ATRNL1: variants seen among roughly 807,000 people sequenced by gnomAD.
ATRNL1 encodes the protein attractin like 1.
A neutral mutation model predicts 182.7 loss-of-function variants in ATRNL1; 95 were observed. That is an observed-to-expected ratio of 0.52 (90% CI 0.44 to 0.62). The LOEUF is 0.62. Ranked by LOEUF, ATRNL1 falls within the 20% of genes least tolerant of loss-of-function variation. The pLI is 0.00. For synonymous variants in ATRNL1, 576 were observed against 568.3 expected (o/e 1.01, Z -0.19); for missense variants, 1,471 against 1,679.5 (o/e 0.88, Z 2.17).
rs782020559 is a variant in ATRNL1, at chr10:115,636,275, C to T, written c.3795+86739C>T. On this transcript the variant is annotated intron_variant, in intron 26 of 28. Transcript: ENST00000355044. Reference sequence around the variant, plus strand: ...GACACTCTTCTCCCTCACTTAGAGACGTAGAGGCAGCTGGCAATAGCAATA... The same window carrying T: ...GACACTCTTCTCCCTCACTTAGAGATGTAGAGGCAGCTGGCAATAGCAATA... Among the ~76,000 whole-genome samples the T allele has an allele frequency of 5.7e-4, 86 of 151,116 alleles. 1 individual carries two copies. Among genetic ancestry groups the T allele is most frequent in the African/African-American group, 1.9e-3 (78 of 41,372 alleles).
chr10:115,587,242 C>CAG (rs1455962472), intron 26 of ATRNL1, among the ~76,000 whole-genome samples: 1 of 152,112 alleles, frequency 6.6e-6, no homozygotes, highest in Non-Finnish European at 1.5e-5. Flanking sequence ...GTGGAGCCTA[C>CAG]AGAGACAGGC....
intron 26 of ATRNL1, among the ~76,000 whole-genome samples, chr10:115,556,837 C>G (rs1853342857): frequency 6.7e-6 from 1 of 150,158 alleles, no homozygotes; most frequent in Non-Finnish European, 1.5e-5. Flanking sequence ...ATCTAGTAGG[C>G]CCTTGAGAAT....
At chr10:115,437,655 T>C (rs585354) in intron 21 of ATRNL1, among the ~76,000 whole-genome samples, 15,632 of 152,028 alleles carry the variant, frequency 0.1, 2,662 homozygotes, top group African/African-American at 0.35. Flanking sequence ...GTATCCTTTA[T>C]AGACTCCTCA....
intron 27 of ATRNL1, among the ~76,000 whole-genome samples, chr10:115,770,026 C>A (rs1394986824): frequency 1.3e-5 from 2 of 152,046 alleles, no homozygotes; most frequent in Non-Finnish European, 2.9e-5. Context: ...CAAACTGACA[C>A]TTAATACTCT....
At chr10:115,825,768 T>C (rs1555091798) in intron 27 of ATRNL1, among the ~76,000 whole-genome samples, 2 of 152,178 alleles carry the variant, frequency 1.3e-5, no homozygotes, top group Admixed American at 1.3e-4. Flanking sequence ...CCAAATGCTG[T>C]CTTCTCCTGG....
rs527721861 is a variant in ATRNL1, at chr10:115,799,008, G to A, written c.3904-48869G>A. On this transcript the variant is annotated intron_variant, in intron 27 of 28. Transcript: ENST00000355044. ...TGCCTGGCTAATTTTTTAATTTTTA[G>A]CAGAGATGGGATTTCACTATGTTGG... 2.6e-5 allele frequency among the ~76,000 whole-genome samples: 4 copies of A among 151,804 alleles called. No individual in the cohort carries two copies. In the East Asian group the frequency reaches 5.8e-4, roughly 22 times the overall value.
chr10:115,295,619 G>A (rs1365261151), intron 15 of ATRNL1, among the ~76,000 whole-genome samples: 3 of 152,114 alleles, frequency 2.0e-5, no homozygotes, highest in Non-Finnish European at 2.9e-5. Flanking sequence ...GCCTAGGGGC[G>A]TATTAGCTGC....
At chr10:115,574,550 A>G (rs1555004522) in intron 26 of ATRNL1, among the ~76,000 whole-genome samples, 2 of 152,132 alleles carry the variant, frequency 1.3e-5, no homozygotes, top group African/African-American at 4.8e-5. Context: ...TTAATCTTTT[A>G]TATTTTCTGC....
intron 25 of ATRNL1, among the ~76,000 whole-genome samples, chr10:115,522,317 A>C (rs1850982084): frequency 6.6e-6 from 1 of 152,184 alleles, no homozygotes; most frequent in Non-Finnish European, 1.5e-5. Flanking sequence ...CTCATGGCAG[A>C]AGAGGAAGCG....
intron 20 of ATRNL1, among the ~76,000 whole-genome samples, chr10:115,410,456 G>T (rs1394200913): frequency 6.6e-6 from 1 of 151,780 alleles, no homozygotes; most frequent in African/African-American, 2.4e-5. Flanking sequence ...CGAGTAGCTG[G>T]GACTACAGGT....
intron 26 of ATRNL1, among the ~76,000 whole-genome samples, chr10:115,571,569 A>G (rs1489889699): frequency 2.6e-5 from 4 of 152,108 alleles, no homozygotes; most frequent in Non-Finnish European, 4.4e-5. Context: ...TTTTCTCTCT[A>G]GTAGGCTGGC....
In ATRNL1 at chr10:115,829,659, G is replaced by T. The variant is rs540904445; in HGVS notation, c.3904-18218G>T. Among the ~76,000 whole-genome samples the T allele has an allele frequency of 6.6e-5, 10 of 152,056 alleles. No individual in the cohort carries two copies. The South Asian group carries it at 1.9e-3, about 28-fold the overall frequency. On this transcript the variant is annotated intron_variant, in intron 27 of 28. Coordinates refer to ENST00000355044, the MANE Select transcript of ATRNL1 (RefSeq NM_207303.4). The stretch of plus-strand genomic sequence containing the variant: ...TATACCCTTTTCCAAGACCTTCTCT[G>T]TCTTATGCCACCAAGGAATTCCACT...
intron 15 of ATRNL1, among the ~76,000 whole-genome samples, chr10:115,295,149 AT>A (rs1241051082): frequency 5.9e-5 from 9 of 151,466 alleles, no homozygotes; most frequent in Admixed American, 3.9e-4. Context: ...GCCTGGAAAG[AT>A]TTTTTCCAGG....
At chr10:115,821,086 A>G (rs1950284556) in intron 27 of ATRNL1, among the ~76,000 whole-genome samples, 1 of 152,124 alleles carries the variant, frequency 6.6e-6, no homozygotes, top group African/African-American at 2.4e-5. Flanking sequence ...CCATGATTAT[A>G]AATTTCCTGA....
chr10:115,852,796 A>G (rs571765627), intron 28 of ATRNL1, among the ~76,000 whole-genome samples: 3 of 152,326 alleles, frequency 2.0e-5, no homozygotes, highest in African/African-American at 7.2e-5. Context: ...TGTAGTAAGG[A>G]CAATTTTATC....
chr10:115,327,870 G>A (rs894585558), intron 18 of ATRNL1, among the ~76,000 whole-genome samples: 189 of 151,952 alleles, frequency 1.2e-3, no homozygotes, highest in African/African-American at 4.3e-3. Flanking sequence ...TCACTCATAG[G>A]TGGGAATTGA....
intron 26 of ATRNL1, among the ~76,000 whole-genome samples, chr10:115,560,881 G>T (rs1333188547): frequency 6.6e-6 from 1 of 152,196 alleles, no homozygotes; most frequent in African/African-American, 2.4e-5. Context: ...TTTTACAAGG[G>T]TACCAAGACA....
At chr10:115,609,131 T>C (rs1394024253) in intron 26 of ATRNL1, among the ~76,000 whole-genome samples, 1 of 152,148 alleles carries the variant, frequency 6.6e-6, no homozygotes, top group Non-Finnish European at 1.5e-5. Context: ...ACGTGAGTTA[T>C]GGTTGGTGAA....
Position 115,884,965 on chromosome 10 carries a change from A to G in ATRNL1, c.4018+36974A>G, listed in dbSNP as rs1984757. On this transcript the variant is annotated intron_variant, in intron 28 of 28. Transcript: ENST00000355044. ...GACTTCCTTAATAAATGCTGATCCA[A>G]AAAGTACACATTCCCAAAGATTACC... 9.8e-3 allele frequency among the ~76,000 whole-genome samples: 1,495 copies of G among 152,306 alleles called. 18 individuals carry two copies. Among genetic ancestry groups the G allele is most frequent in the African/African-American group, 0.033 (1,374 of 41,556 alleles).
Sources: allele counts gnomAD v4.1 joint callset (sites outside exome capture counted in the v4.1 genomes callset), GRCh38; gene constraint gnomAD v4.1.1; transcripts MANE v1.5; gene names NCBI Gene and HGNC (gene_info 2026-07-23, HGNC 2026-07-21).